Variants in NCK1 observed in about 807,000 individuals in gnomAD.
The protein encoded by NCK1 is NCK adaptor protein 1.
Under a neutral mutation model 36.6 loss-of-function variants are expected in NCK1, and 19 were observed. That is an observed-to-expected ratio of 0.52 (90% CI 0.36 to 0.76). The LOEUF is 0.76. Among genes scored for constraint, NCK1 ranks in the 30% least tolerant of loss-of-function variants. The pLI is 0.00. For synonymous variants in NCK1, 165 were observed against 156.0 expected (o/e 1.06, Z -0.43); for missense variants, 358 against 445.6 (o/e 0.80, Z 1.77).
chr3:136,875,605 A>G (rs1938744203), intron 1 of NCK1, among the ~76,000 whole-genome samples: 1 of 152,244 alleles, frequency 6.6e-6, no homozygotes, highest in Non-Finnish European at 1.5e-5. Context: ...AGAGCTAACT[A>G]TCCTAAATAT....
intron 1 of NCK1, among the ~76,000 whole-genome samples, chr3:136,865,660 TTAA>T (rs1029492253): frequency 3.9e-4 from 59 of 152,336 alleles, no homozygotes; most frequent in Non-Finnish European, 6.5e-4. Flanking sequence ...GATTATTTCA[TTAA>T]TAAGTAAAAT....
chr3:136,864,960 T>A (rs1438937855), intron 1 of NCK1, among the ~76,000 whole-genome samples: 1 of 149,414 alleles, frequency 6.7e-6, no homozygotes. Flanking sequence ...CTTTTTCTTT[T>A]GTTTGTTTTT....
intron 1 of NCK1, among the ~76,000 whole-genome samples, chr3:136,883,316 A>G (rs1295710810): frequency 6.6e-6 from 1 of 152,164 alleles, no homozygotes; most frequent in South Asian, 2.1e-4. Context: ...ATCTCTAGCC[A>G]TACGGTCATT....
At chr3:136,878,278 A>G (rs9870377) in intron 1 of NCK1, among the ~76,000 whole-genome samples, 85,866 of 151,926 alleles carry the variant, frequency 0.57, 24,987 homozygotes, top group East Asian at 0.87. Flanking sequence ...ATGTGGTGGC[A>G]GGCACCTATA....
At chr3:136,919,966 G>T (rs1023525226) in intron 1 of NCK1, among the ~76,000 whole-genome samples, 1 of 152,130 alleles carries the variant, frequency 6.6e-6, no homozygotes, top group South Asian at 2.1e-4. Flanking sequence ...GACTAAGTCC[G>T]GAAGTTTGGT....
chr3:136,896,429 A>T (rs573081799), intron 1 of NCK1, among the ~76,000 whole-genome samples: 154 of 152,040 alleles, frequency 1.0e-3, no homozygotes, highest in African/African-American at 3.6e-3. Context: ...TAACATAGTG[A>T]CCTCCAGGTC....
At chr3:136,869,180 C>T (rs1033784692) in intron 1 of NCK1, among the ~76,000 whole-genome samples, 1 of 151,708 alleles carries the variant, frequency 6.6e-6, no homozygotes, top group Non-Finnish European at 1.5e-5. Context: ...GCAGAGGTTA[C>T]AGTGAGCCAA....
chr3:136,926,282 T>C (rs951606343), intron 1 of NCK1, among the ~76,000 whole-genome samples: 2 of 151,516 alleles, frequency 1.3e-5, no homozygotes, highest in African/African-American at 4.8e-5. Context: ...TTATTATTAT[T>C]ATTATTTTTT....
Position 136,950,822 on chromosome 3 carries a change from TG to T in NCK1, c.*2370del, listed in dbSNP as rs1333047098. Among the ~76,000 whole-genome samples the T allele has an allele frequency of 6.6e-6, 1 of 152,124 alleles. No homozygotes were observed. Among genetic ancestry groups the T allele is most frequent in the Non-Finnish European group, 1.5e-5 (1 of 67,994 alleles). On this transcript the variant is annotated 3_prime_UTR_variant, in exon 4 of 4. Transcript: ENST00000481752. ...ATGCTTAGTTTCAAATTTAAATACATGTGTCAGATGGAACCCTGCCTAACTC... is the reference window on the plus strand; with the variant it reads ...ATGCTTAGTTTCAAATTTAAATACATTGTCAGATGGAACCCTGCCTAACTC...
At chr3:136,935,408 A>T (rs1167272571) in intron 2 of NCK1, among the ~76,000 whole-genome samples, 2 of 151,646 alleles carry the variant, frequency 1.3e-5, no homozygotes, top group Admixed American at 6.6e-5. Context: ...TCATATCATT[A>T]TTCACTTTTA....
chr3:136,942,217 T>G (rs576656993), intron 2 of NCK1, among the ~76,000 whole-genome samples: 1 of 152,356 alleles, frequency 6.6e-6, no homozygotes, highest in South Asian at 2.1e-4. Flanking sequence ...TCTTATGTTC[T>G]CCTTCATTTT....
chr3:136,934,615 A>G lies in NCK1; in HGVS notation c.226+6388A>G, dbSNP rs151271895. Among the ~76,000 whole-genome samples, 379 of 152,180 alleles carry G rather than the reference A, an allele frequency of 2.5e-3. 1 individual carries two copies. Among genetic ancestry groups the G allele is most frequent in the African/African-American group, 7.8e-3 (324 of 41,546 alleles). On this transcript the variant is annotated intron_variant, in intron 2 of 3. Coordinates refer to ENST00000481752, the MANE Select transcript of NCK1 (RefSeq NM_001291999.2). ...GTACATATTATTTCATCACCCAGGT[A>G]TTAAGCCCAGTATCCAATCATTATC...
At chr3:136,886,162 G>A (rs1243049088) in intron 1 of NCK1, among the ~76,000 whole-genome samples, 1 of 152,082 alleles carries the variant, frequency 6.6e-6, no homozygotes, top group Non-Finnish European at 1.5e-5. Flanking sequence ...TAATAAAATT[G>A]TATTAACACT....
chr3:136,869,176 G>A (rs1000913569), intron 1 of NCK1, among the ~76,000 whole-genome samples: 1 of 151,610 alleles, frequency 6.6e-6, no homozygotes, highest in African/African-American at 2.4e-5. Flanking sequence ...AGAGGCAGAG[G>A]TTACAGTGAG....
chr3:136,870,073 G>A (rs997222264), intron 1 of NCK1, among the ~76,000 whole-genome samples: 5 of 129,920 alleles, frequency 3.8e-5, no homozygotes, highest in South Asian at 2.4e-4. Flanking sequence ...CTGGCCCAGC[G>A]CAGTGGCTCA....
At chr3:136,876,247 G>A (rs1434868998) in intron 1 of NCK1, among the ~76,000 whole-genome samples, 3 of 152,104 alleles carry the variant, frequency 2.0e-5, no homozygotes, top group African/African-American at 7.2e-5. Flanking sequence ...AAAAGAACTA[G>A]AAAAGCAAGA....
chr3:136,890,652 G>A (rs770521089), intron 1 of NCK1, among the ~76,000 whole-genome samples: 3 of 152,182 alleles, frequency 2.0e-5, no homozygotes, highest in Non-Finnish European at 2.9e-5. Flanking sequence ...AGGCATTTGA[G>A]TTTTTTCTCC....
At chr3:136,874,239 G>A (rs191855040) in intron 1 of NCK1, among the ~76,000 whole-genome samples, 1 of 152,162 alleles carries the variant, frequency 6.6e-6, no homozygotes, top group Non-Finnish European at 1.5e-5. Context: ...GCAGTGGTGC[G>A]ATCTCAGCTC....
At chr3:136,946,434 C>A in intron 3 of NCK1, 139 bp downstream of exon 3, 1 of 712,100 alleles carries the variant, frequency 1.4e-6, no homozygotes. Flanking sequence ...ATAAATGTTC[C>A]AAAGCTAAAG....
Sources: gnomAD v4.1 joint callset for allele counts (sites outside exome capture counted in the v4.1 genomes callset) on GRCh38, gnomAD v4.1.1 for gene constraint, MANE v1.5 for transcripts, NCBI Gene and HGNC (gene_info 2026-07-23, HGNC 2026-07-21) for gene names.